STAU1: variants seen among roughly 807,000 people sequenced by gnomAD.
STAU1 encodes the protein double-stranded RNA-binding protein Staufen homolog 1.
A neutral mutation model predicts 62.9 loss-of-function variants in STAU1; 13 were observed. The observed-to-expected ratio is 0.21, with a 90% CI of 0.13 to 0.33. STAU1 has a LOEUF of 0.33. Among genes scored for constraint, STAU1 ranks in the 10% least tolerant of loss-of-function variants. STAU1 has a pLI of 1.00. For missense variants in STAU1, 571 were observed against 712.1 expected (o/e 0.80, Z 2.25); for synonymous variants, 269 against 265.1 (o/e 1.01, Z -0.14).
chr20:49,207,241 A>G, the STAU1 span, among the ~76,000 whole-genome samples: 1 of 150,556 alleles, frequency 6.6e-6, no homozygotes, highest in South Asian at 2.1e-4. Context: ...AAAAGAAGCC[A>G]AAAGTTCCCT....
intron 6 of STAU1, among the ~76,000 whole-genome samples, chr20:49,132,184 A>C (rs2092765358): frequency 1.3e-5 from 2 of 152,128 alleles, no homozygotes; most frequent in African/African-American, 4.8e-5. Context: ...CCCACACCCA[A>C]GGGCAGAGAT....
At chr20:49,197,163 A>G in the STAU1 span, among the ~76,000 whole-genome samples, 1 of 151,922 alleles carries the variant, frequency 6.6e-6, no homozygotes, top group Non-Finnish European at 1.5e-5. Context: ...TCCAAAAAAT[A>G]AAATAAAATA....
At chr20:49,198,964 T>G in the STAU1 span, among the ~76,000 whole-genome samples, 2 of 145,786 alleles carry the variant, frequency 1.4e-5, no homozygotes, top group African/African-American at 5.1e-5. Flanking sequence ...TGAGACCCCG[T>G]CCCCCTGCCC....
chr20:49,160,406 T>C (rs2093430185), intron 3 of STAU1, among the ~76,000 whole-genome samples: 1 of 152,224 alleles, frequency 6.6e-6, no homozygotes, highest in South Asian at 2.1e-4. Context: ...GCTGCAAGGT[T>C]AGGATCAGAA....
At chr20:49,125,037 C>A (rs2092558638) in intron 6 of STAU1, among the ~76,000 whole-genome samples, 1 of 125,382 alleles carries the variant, frequency 8.0e-6, no homozygotes, top group African/African-American at 3.0e-5. Flanking sequence ...ATCTCTTAAG[C>A]ACTGATAAAG....
upstream of STAU1, among the ~76,000 whole-genome samples, chr20:49,189,953 T>C (rs1455973595): frequency 6.6e-6 from 1 of 152,182 alleles, no homozygotes; most frequent in Non-Finnish European, 1.5e-5. Flanking sequence ...ACATTGCTTC[T>C]TGTGAAGTGC....
intron 2 of STAU1, among the ~76,000 whole-genome samples, chr20:49,173,852 T>C (rs1465582514): frequency 2.0e-5 from 3 of 152,142 alleles, no homozygotes; most frequent in East Asian, 1.9e-4. Context: ...ATGTTTAACA[T>C]AAACAATCTG....
intron 1 of STAU1, among the ~76,000 whole-genome samples, chr20:49,178,928 A>C (rs2093691507): frequency 7.3e-6 from 1 of 136,640 alleles, no homozygotes; most frequent in East Asian, 2.1e-4. Flanking sequence ...AAAAAAAAAA[A>C]CAACTAGCTG....
chr20:49,186,473 C>T (rs560766810), intron 1 of STAU1, among the ~76,000 whole-genome samples: 255 of 152,056 alleles, frequency 1.7e-3, no homozygotes, highest in Non-Finnish European at 1.0e-3. Context: ...GGGTATAAAT[C>T]AAAATAGTTT....
the STAU1 span, chr20:49,219,215 G>A: frequency 3.8e-6 from 3 of 787,252 alleles, no homozygotes; most frequent in Non-Finnish European, 6.0e-6. Context: ...TTTGAGGCCG[G>A]AGACAATGGA....
At position 49,188,251 on chromosome 20, in the gene STAU1, G is replaced by C. The variant is rs2093816733; in HGVS notation, c.-295C>G. 1 of 94,682 alleles carries C rather than the reference G, an allele frequency of 1.1e-5. No individual in the cohort carries two copies. Among genetic ancestry groups the C allele is most frequent in the African/African-American group, 5.1e-5 (1 of 19,686 alleles). The allele number at this position is 94,682 out of a possible 1,614,324, so 5.9% of individuals were successfully genotyped here. A position where few individuals can be genotyped will look rare whatever the true frequency, so the allele number is the denominator to read the frequency against. On this transcript the variant is annotated 5_prime_UTR_variant, in exon 1 of 14. Transcript: ENST00000371856. The stretch of plus-strand genomic sequence containing the variant: ...AGGCGGAGTGGCCGTGGAGGAGGCG[G>C]GCGCCGCCGGGCCGGGGGGGGGAGG...
intron 6 of STAU1, among the ~76,000 whole-genome samples, chr20:49,125,198 C>CAAAAAAAA (rs1171534142): frequency 0.019 from 641 of 33,716 alleles, 80 homozygotes; most frequent in Middle Eastern, 0.11. Flanking sequence ...CTCATTTTTG[C>CAAAAAAAA]AAAAAAAAAA....
intron 1 of STAU1, among the ~76,000 whole-genome samples, chr20:49,182,711 C>G (rs989250200): frequency 6.6e-6 from 1 of 151,972 alleles, no homozygotes; most frequent in Non-Finnish European, 1.5e-5. Flanking sequence ...TGGTGGCGGG[C>G]ACCTGTAGTC....
In STAU1 at chr20:49,152,133, T is replaced by C. The variant is rs535708677; in HGVS notation, c.345-386A>G. ...GTCTCCAATAGGAGGCTGGGAATTT[T>C]AATGCACAAGTCTTTCAAAAGGACC... is the stretch of plus-strand genomic sequence containing the variant. On this transcript the variant is annotated intron_variant, in intron 4 of 13. Transcript: ENST00000371856. 1.6e-4 allele frequency among the ~76,000 whole-genome samples: 25 copies of C among 152,336 alleles called. No individual in the cohort carries two copies. The South Asian group carries it at 5.2e-3, about 32-fold the overall frequency.
At chr20:49,168,441 T>C (rs2093554992) in intron 2 of STAU1, among the ~76,000 whole-genome samples, 2 of 151,984 alleles carry the variant, frequency 1.3e-5, no homozygotes, top group Admixed American at 1.3e-4. Flanking sequence ...CTTTTTAAAT[T>C]AAGACTGCCT....
At chr20:49,181,270 G>C (rs547084997) in intron 1 of STAU1, among the ~76,000 whole-genome samples, 5 of 152,234 alleles carry the variant, frequency 3.3e-5, no homozygotes, top group African/African-American at 1.2e-4. Context: ...CTTTCACCCT[G>C]TAATTCTAAC....
At chr20:49,123,025 A>C in intron 8 of STAU1, 67 bp downstream of exon 8, 1 of 1,489,738 alleles carries the variant, frequency 6.7e-7, no homozygotes, top group Non-Finnish European at 8.9e-7. Context: ...CAGACCTTGA[A>C]CCGCCATCAG....
intron 1 of STAU1, among the ~76,000 whole-genome samples, chr20:49,176,073 C>T (rs1479789346): frequency 3.3e-5 from 5 of 152,184 alleles, no homozygotes; most frequent in African/African-American, 4.8e-5. Flanking sequence ...GGATTACAGG[C>T]GTGAGCCACC....
At chr20:49,179,457 T>C (rs1326869726) in intron 1 of STAU1, among the ~76,000 whole-genome samples, 1 of 152,216 alleles carries the variant, frequency 6.6e-6, no homozygotes, top group Non-Finnish European at 1.5e-5. Context: ...CTTATTTGCC[T>C]AACTATATTT....
Sources: allele counts gnomAD v4.1 joint callset (sites outside exome capture counted in the v4.1 genomes callset), GRCh38; gene constraint gnomAD v4.1.1; transcripts MANE v1.5; gene names NCBI Gene and HGNC (gene_info 2026-07-23, HGNC 2026-07-21).